The following SDCCAG8 variants were observed in gnomAD, a reference collection of about 807,000 sequenced individuals.
SDCCAG8 encodes the protein serologically defined colon cancer antigen 8.
A neutral mutation model predicts 101.8 loss-of-function variants in SDCCAG8; 74 were observed. The observed-to-expected ratio is 0.73, with a 90% CI of 0.60 to 0.88. SDCCAG8 has a LOEUF of 0.88. SDCCAG8 is among the 40% of genes least tolerant of loss of function. The probability of loss-of-function intolerance (pLI) is 0.00; values close to 1 mark genes in which losing one functional copy is unlikely to be tolerated. For missense variants in SDCCAG8, 787 were observed against 822.6 expected, an observed-to-expected ratio of 0.96 and a Z score of 0.53; for synonymous variants, 281 against 292.9, an observed-to-expected ratio of 0.96 and a Z score of 0.41.
rs976380478 is a variant in SDCCAG8, at chr1:243,407,846, A to G, written c.1617-7856A>G. On this transcript the variant is annotated intron_variant, in intron 13 of 17. Coordinates refer to ENST00000366541, the MANE Select transcript of SDCCAG8 (RefSeq NM_006642.5). ...AATTTACTCCAGGAAATATGCCATT[A>G]AGTCTTTTGCATACTTAAGGAAGTA... 9.2e-5 allele frequency among the ~76,000 whole-genome samples: 14 copies of G among 152,138 alleles called. 1 individual carries two copies. Among genetic ancestry groups the G allele is most frequent in the Admixed American group, 7.9e-4 (12 of 15,268 alleles).
intron 13 of SDCCAG8, among the ~76,000 whole-genome samples, chr1:243,387,718 T>G (rs2078398997): frequency 6.6e-6 from 1 of 152,170 alleles, no homozygotes; most frequent in South Asian, 2.1e-4. Flanking sequence ...AGTTACTTAT[T>G]TGTTTCTTTA....
In SDCCAG8 at chr1:243,387,103, G is replaced by T. The variant is rs148589663; in HGVS notation, c.1616+8240G>T. 5.4e-3 allele frequency among the ~76,000 whole-genome samples: 829 copies of T among 152,320 alleles called. 14 individuals are homozygous for T. The highest frequency in any genetic ancestry group is 0.018 in the African/African-American group (757 of 41,566). ...TATTCATCTTAGGCCAGGGGCGGTGGCTTATGCCGCTCATATGACTACCAT... is the reference window on the plus strand; with the variant it reads ...TATTCATCTTAGGCCAGGGGCGGTGTCTTATGCCGCTCATATGACTACCAT... On this transcript the variant is annotated intron_variant, in intron 13 of 17. Coordinates refer to ENST00000366541, the MANE Select transcript of SDCCAG8 (RefSeq NM_006642.5).
intron 1 of SDCCAG8, among the ~76,000 whole-genome samples, chr1:243,258,406 T>A (rs1054832664): frequency 3.3e-5 from 5 of 152,166 alleles, no homozygotes; most frequent in Non-Finnish European, 2.9e-5. Context: ...TTTTGAGTAG[T>A]ATAATTTATT....
At chr1:243,366,743 T>C (rs2077009271) in intron 12 of SDCCAG8, among the ~76,000 whole-genome samples, 1 of 152,090 alleles carries the variant, frequency 6.6e-6, no homozygotes, top group South Asian at 2.1e-4. Flanking sequence ...TGATAGGGAA[T>C]CAATTAATAT....
At chr1:243,292,191 G>T (rs1192239167) in intron 5 of SDCCAG8, among the ~76,000 whole-genome samples, 1 of 152,102 alleles carries the variant, frequency 6.6e-6, no homozygotes, top group Non-Finnish European at 1.5e-5. Flanking sequence ...TTATTACATA[G>T]GCATGATTGG....
chr1:243,334,912 G>A (rs1041444202), intron 10 of SDCCAG8, among the ~76,000 whole-genome samples: 4 of 152,062 alleles, frequency 2.6e-5, no homozygotes, highest in South Asian at 4.1e-4. Context: ...GTACCACCTC[G>A]TCTCCGCGCC....
At chr1:243,299,069 C>T (rs2071239647) in intron 6 of SDCCAG8, among the ~76,000 whole-genome samples, 1 of 152,146 alleles carries the variant, frequency 6.6e-6, no homozygotes, top group South Asian at 2.1e-4. Flanking sequence ...TTATTTGAGT[C>T]ATCTTTAATT....
intron 8 of SDCCAG8, among the ~76,000 whole-genome samples, chr1:243,316,282 G>T (rs970879040): frequency 2.0e-5 from 3 of 152,244 alleles, no homozygotes; most frequent in African/African-American, 7.2e-5. Flanking sequence ...GTGCAAAAAA[G>T]AGGATTGTGG....
At chr1:243,273,001 G>A (rs990629920) in intron 3 of SDCCAG8, among the ~76,000 whole-genome samples, 1 of 152,094 alleles carries the variant, frequency 6.6e-6, no homozygotes, top group Non-Finnish European at 1.5e-5. Context: ...ATATTGGCTT[G>A]AGCTTTTTAT....
chr1:243,282,597 A>G (rs974672426), intron 4 of SDCCAG8, among the ~76,000 whole-genome samples: 2 of 152,144 alleles, frequency 1.3e-5, no homozygotes, highest in Non-Finnish European at 2.9e-5. Flanking sequence ...TGCAAGGCAT[A>G]TATGCTAGCA....
At chr1:243,404,189 T>G (rs1156444582) in intron 13 of SDCCAG8, among the ~76,000 whole-genome samples, 2 of 152,208 alleles carry the variant, frequency 1.3e-5, no homozygotes, top group Non-Finnish European at 2.9e-5. Context: ...TATATTTATT[T>G]TCTCAGAGCA....
At chr1:243,476,606 C>T (rs1662459367) in intron 16 of SDCCAG8, among the ~76,000 whole-genome samples, 2 of 152,182 alleles carry the variant, frequency 1.3e-5, no homozygotes, top group South Asian at 4.1e-4. Flanking sequence ...AGTGTGCCCC[C>T]CAAACCCAAG....
At chr1:243,382,047 G>C (rs1035676347) in intron 13 of SDCCAG8, among the ~76,000 whole-genome samples, 3 of 152,188 alleles carry the variant, frequency 2.0e-5, no homozygotes, top group African/African-American at 7.2e-5. Context: ...CCCAGGTAGA[G>C]AGACCAATAT....
chr1:243,496,182 G>A (rs1667807329), intron 17 of SDCCAG8, among the ~76,000 whole-genome samples: 1 of 152,230 alleles, frequency 6.6e-6, no homozygotes, highest in Admixed American at 6.5e-5. Context: ...GAAATGAAGT[G>A]AATGGAATTG....
At chr1:243,445,268 C>G (rs115136989) in intron 16 of SDCCAG8, among the ~76,000 whole-genome samples, 2,072 of 152,208 alleles carry the variant, frequency 0.014, 19 homozygotes, top group Middle Eastern at 0.024. Flanking sequence ...TCGTCTACTC[C>G]CACCCTCCAT....
intron 5 of SDCCAG8, among the ~76,000 whole-genome samples, chr1:243,290,863 G>A (rs751879653): frequency 2.6e-5 from 4 of 152,090 alleles, no homozygotes; most frequent in Non-Finnish European, 5.9e-5. Flanking sequence ...CTTTGGCCTA[G>A]CACTCACATT....
chr1:243,389,517 G>T (rs188499536), intron 13 of SDCCAG8, among the ~76,000 whole-genome samples: 25 of 152,216 alleles, frequency 1.6e-4, no homozygotes, highest in Non-Finnish European at 3.2e-4. Context: ...GAAGTATTTG[G>T]CAAATTTTAT....
At chr1:243,393,367 C>G (rs1003248882) in intron 13 of SDCCAG8, among the ~76,000 whole-genome samples, 11 of 152,012 alleles carry the variant, frequency 7.2e-5, no homozygotes, top group African/African-American at 2.7e-4. Context: ...ACAGATAGGG[C>G]AGCTGGGAAG....
At chr1:243,352,822 A>G (rs923664612) in intron 12 of SDCCAG8, among the ~76,000 whole-genome samples, 4 of 152,060 alleles carry the variant, frequency 2.6e-5, no homozygotes, top group Non-Finnish European at 5.9e-5. Flanking sequence ...AATAGATTCT[A>G]GTTTTGGTTT....
Sources: gnomAD v4.1 joint callset for allele counts (sites outside exome capture counted in the v4.1 genomes callset) on GRCh38, gnomAD v4.1.1 for gene constraint, MANE v1.5 for transcripts, NCBI Gene and HGNC (gene_info 2026-07-23, HGNC 2026-07-21) for gene names.